The following AKNAD1 variants were observed in gnomAD, a reference collection of about 807,000 sequenced individuals.
AKNAD1 encodes AKNA domain containing 1.
In AKNAD1, 67 loss-of-function variants were observed where a neutral mutation model predicts 90.8. The observed-to-expected ratio is 0.74, with a 90% confidence interval of 0.61 to 0.90. The LOEUF is 0.90. Among genes scored for constraint, AKNAD1 ranks in the 40% least tolerant of loss-of-function variants. The pLI is 0.00. For synonymous variants in AKNAD1, 327 were observed against 341.4 expected, an observed-to-expected ratio of 0.96 and a Z score of 0.46; for missense variants, 957 against 975.4, an observed-to-expected ratio of 0.98 and a Z score of 0.25.
rs1233005780 is a variant in AKNAD1, at chr1:108,834,918, C to T, written c.1664+11G>A. The T allele has an allele frequency of 6.6e-7, 1 of 1,526,474 alleles. No individual in the cohort carries two copies. Among genetic ancestry groups the T allele is most frequent in the Admixed American group, 2.5e-5 (1 of 40,722 alleles). 94.6% of individuals were successfully genotyped at this position (1,526,474 alleles called of 1,614,324 possible). ...TCCTGTGTCTGCTGGGGCTCCAGGGCTAGGACTCACGTCTGCGGGGCCAGC... is the reference window on the plus strand; with the variant it reads ...TCCTGTGTCTGCTGGGGCTCCAGGGTTAGGACTCACGTCTGCGGGGCCAGC... On this transcript the variant is annotated intron_variant, in intron 8 of 15. Coordinates refer to ENST00000370001, the MANE Select transcript of AKNAD1 (RefSeq NM_152763.5).
At chr1:108,836,949 C>G (rs1664403036) in intron 7 of AKNAD1, 2 of 152,158 alleles carry the variant, frequency 1.3e-5, no homozygotes, top group African/African-American at 4.8e-5. Context: ...GTGTGCTATT[C>G]TTTATTTTCA....
At position 108,831,990 on chromosome 1, in the gene AKNAD1, G is replaced by C. The variant is rs891509185; in HGVS notation, c.1747-1340C>G. 2.6e-5 allele frequency among the ~76,000 whole-genome samples: 4 copies of C among 152,094 alleles called. No homozygotes were observed. The East Asian group carries it at 7.7e-4, about 29-fold the overall frequency. On this transcript the variant is annotated intron_variant, in intron 9 of 15. Transcript: ENST00000370001. ...CTTTGTCCATTAATTTTCTTGGAGGGTTTCAGTGTTTTCCTGTTACCATTT... is the reference window on the plus strand; with the variant it reads ...CTTTGTCCATTAATTTTCTTGGAGGCTTTCAGTGTTTTCCTGTTACCATTT...
At chr1:108,849,775 C>T (rs1664798546) in intron 2 of AKNAD1, among the ~76,000 whole-genome samples, 199 bp from the exon 3 acceptor site, 2 of 152,082 alleles carry the variant, frequency 1.3e-5, no homozygotes, top group South Asian at 2.1e-4. Context: ...CACTTATAAG[C>T]CTGCAATTCT....
rs772841930 is a variant in AKNAD1 at position 108,816,241 on chromosome 1, T to G, written c.2441A>C (p.Asp814Ala). 2 of 1,613,934 alleles carry G rather than the reference T, an allele frequency of 1.2e-6. No individual in the cohort carries two copies. The highest frequency in any genetic ancestry group is 1.7e-5 in the Admixed American group (1 of 60,004). Residue 814 changes from aspartate (D) to alanine (A), a missense_variant, in exon 16 of 16, where the codon GAT becomes GCT. Physicochemically the swap from Asp to Ala is moderately radical, Grantham distance 126 (BLOSUM62 -2). Coordinates refer to ENST00000370001, the MANE Select transcript of AKNAD1 (RefSeq NM_152763.5). The stretch of plus-strand genomic sequence containing the variant: ...TTCTGCAATCGTTTTAATCATTTGA[T>G]CTGTAGTTTCTTTCAAAATGGTTGC... ...RTATILKETT[D>A]QMIKTIAEDL...
At position 108,848,685 on chromosome 1, in the gene AKNAD1, A is replaced by C. The variant is rs947416820; in HGVS notation, c.1245+67T>G. The C allele has an allele frequency of 5.7e-6, 8 of 1,409,994 alleles. No individual in the cohort carries two copies. In the African/African-American group the frequency reaches 1.2e-4, roughly 20 times the overall value. 87.3% of individuals were successfully genotyped at this position (1,409,994 alleles called of 1,614,324 possible). On this transcript the variant is annotated intron_variant, in intron 5 of 15. Coordinates refer to ENST00000370001, the MANE Select transcript of AKNAD1 (RefSeq NM_152763.5). Reference sequence around the variant, plus strand: ...CTGTAGAGAAAACATGGCACTATAAAGTTATTTATCTTTATCCAAGCCATA... The same window carrying C: ...CTGTAGAGAAAACATGGCACTATAACGTTATTTATCTTTATCCAAGCCATA...
At chr1:108,830,431 A>T (rs899379218) in intron 10 of AKNAD1, 128 bp downstream of exon 10, 29 of 821,106 alleles carry the variant, frequency 3.5e-5, no homozygotes, top group Admixed American at 6.7e-5. Flanking sequence ...CTCTGTGCCC[A>T]GGCCTGAGAT....
chr1:108,836,344 T>C (rs1664385303), intron 7 of AKNAD1, among the ~76,000 whole-genome samples: 1 of 152,186 alleles, frequency 6.6e-6, no homozygotes, highest in African/African-American at 2.4e-5. Context: ...GCTTCCTCTA[T>C]GAAGCATCGA....
intron 9 of AKNAD1, among the ~76,000 whole-genome samples, chr1:108,834,233 G>A (rs17029497): frequency 0.13 from 19,246 of 152,000 alleles, 1,467 homozygotes; most frequent in Middle Eastern, 0.2. Context: ...GAGAAGCTCC[G>A]GTCTAGGTAC....
chr1:108,817,170 GT>G lies in AKNAD1; in HGVS notation c.2256del (p.Lys752AsnfsTer6), dbSNP rs757405671. On this transcript the variant is annotated frameshift_variant, in exon 15 of 16. Transcript: ENST00000370001. LOFTEE classifies it high-confidence loss of function. ...GEHEPTPGKK[K>X]LQAFMTYSSD... is the part of the protein sequence containing the mutation. The stretch of plus-strand genomic sequence containing the variant: ...GAGCTGTAGGTCATGAAAGCCTGAA[GT>G]TTTTTTCTGGAAGACAAAAGCACAT... The G allele has an allele frequency of 1.2e-6, 2 of 1,613,950 alleles. No individual in the cohort carries two copies. Among genetic ancestry groups the G allele is most frequent in the Non-Finnish European group, 8.5e-7 (1 of 1,179,932 alleles).
chr1:108,823,071 G>C, intron 13 of AKNAD1: 1 of 643,876 alleles, frequency 1.6e-6, no homozygotes, highest in East Asian at 2.7e-5. Context: ...TATCCAGTAA[G>C]TCATTTATTT....
chr1:108,857,767 G>A (rs1557841707), upstream of AKNAD1, among the ~76,000 whole-genome samples: 1 of 152,176 alleles, frequency 6.6e-6, no homozygotes, highest in Non-Finnish European at 1.5e-5. Context: ...GTACCAGTTA[G>A]TACAACCACG....
upstream of AKNAD1, chr1:108,858,220 GCTT>G (rs1665102672): frequency 6.6e-6 from 1 of 152,476 alleles, no homozygotes; most frequent in African/African-American, 2.4e-5. Context: ...TGGCGTGCCT[GCTT>G]CTTCTGGGTT....
At chr1:108,819,276 A>T (rs1185089458) in intron 14 of AKNAD1, among the ~76,000 whole-genome samples, 1 of 151,244 alleles carries the variant, frequency 6.6e-6, no homozygotes, top group Non-Finnish European at 1.5e-5. Context: ...CAGTAGCTAG[A>T]CTGACCCTTT....
chr1:108,816,516 C>A (rs1344145044), intron 15 of AKNAD1, among the ~76,000 whole-genome samples: 3 of 152,018 alleles, frequency 2.0e-5, no homozygotes, highest in Non-Finnish European at 2.9e-5. Flanking sequence ...AAGACCAGCA[C>A]GTGACTGATG....
At chr1:108,849,871 G>T (rs890259458) in intron 2 of AKNAD1, among the ~76,000 whole-genome samples, 1 of 152,188 alleles carries the variant, frequency 6.6e-6, no homozygotes, top group African/African-American at 2.4e-5. Context: ...ATAGTATCAG[G>T]CAGGTGGTAA....
Position 108,852,019 on chromosome 1 carries a change from T to C in AKNAD1, c.646A>G (p.Thr216Ala). The C allele has an allele frequency of 6.2e-7, 1 of 1,614,112 alleles. No individual in the cohort carries two copies. The highest frequency in any genetic ancestry group is 8.5e-7 in the Non-Finnish European group (1 of 1,180,020). ...SSHQENVNVL[T>A]KTKGPGDKQK... is the part of the protein sequence containing the mutation. ...TTATCACCTGGACCCTTGGTTTTAG[T>C]TAGAACATTCACATTTTCTTGATGG... is the stretch of plus-strand genomic sequence containing the variant. The change falls in exon 2 of 16, where the codon ACT (threonine) becomes GCT (alanine). Residue 216 changes from threonine (T) to alanine (A), a missense_variant. Coordinates refer to ENST00000370001, the MANE Select transcript of AKNAD1 (RefSeq NM_152763.5).
chr1:108,851,927 C>T lies in AKNAD1; in HGVS notation c.738G>A (p.Thr246=), dbSNP rs141141833. The change falls in exon 2 of 16, where the codon ACG becomes ACA. Residue 246 remains threonine (T), a synonymous_variant. Transcript: ENST00000370001. ...GAACTTGACCTTGGCCGTATTTGAA[C>T]GTGTTGCCTGAATTTGCTTTTTCAG... The part of the protein sequence containing the change: ...QQTEKANSGN[T]FKYGQGQVHY... The T allele has an allele frequency of 9.7e-5, 157 of 1,614,070 alleles. No individual in the cohort carries two copies. The African/African-American group carries it at 1.7e-3, about 18-fold the overall frequency.
intron 13 of AKNAD1, among the ~76,000 whole-genome samples, chr1:108,821,152 T>A (rs1663800336): frequency 6.6e-6 from 1 of 151,676 alleles, no homozygotes; most frequent in Non-Finnish European, 1.5e-5. Context: ...AGAAATTCAA[T>A]TTTAAAGGGA....
chr1:108,848,181 T>A (rs1196127259), intron 5 of AKNAD1, among the ~76,000 whole-genome samples: 2 of 152,302 alleles, frequency 1.3e-5, no homozygotes, highest in East Asian at 3.9e-4. Context: ...GTCAGCATAC[T>A]TCTGGTTCTC....
Sources: gnomAD v4.1 joint callset for allele counts (sites outside exome capture counted in the v4.1 genomes callset) on GRCh38, gnomAD v4.1.1 for gene constraint, MANE v1.5 for transcripts, NCBI Gene and HGNC (gene_info 2026-07-23, HGNC 2026-07-21) for gene names.